The following RELN variants were observed in gnomAD, a reference collection of about 807,000 sequenced individuals.
The protein encoded by RELN is reelin.
RELN carries 108 observed loss-of-function variants against 427.6 expected under a neutral mutation model. The observed-to-expected ratio is 0.25, with a 90% CI of 0.22 to 0.30. The LOEUF is 0.30. Among genes scored for constraint, RELN ranks in the 10% least tolerant of loss-of-function variants. The pLI is 1.00. For missense variants in RELN, 3,715 were observed against 4,302.8 expected (o/e 0.86, Z 3.82); for synonymous variants, 1,524 against 1,513.4 (o/e 1.01, Z -0.16).
intron 2 of RELN, among the ~76,000 whole-genome samples, chr7:103,847,167 C>T (rs1052000721): frequency 2.0e-5 from 3 of 152,140 alleles, no homozygotes; most frequent in African/African-American, 4.8e-5. Context: ...TCGGAACCAA[C>T]CCAAATGCTC....
chr7:103,838,641 A>G (rs1461744794), intron 2 of RELN, among the ~76,000 whole-genome samples: 1 of 152,186 alleles, frequency 6.6e-6, no homozygotes, highest in African/African-American at 2.4e-5. Flanking sequence ...GAAAATGACA[A>G]GTCTGCAGGA....
chr7:103,786,941 C>T (rs942369926), intron 3 of RELN, among the ~76,000 whole-genome samples: 9 of 152,044 alleles, frequency 5.9e-5, no homozygotes, highest in Admixed American at 5.2e-4. Flanking sequence ...AAATTGACCA[C>T]ATAATTAGAA....
intron 1 of RELN, among the ~76,000 whole-genome samples, chr7:103,929,875 G>C (rs1191867897): frequency 6.6e-6 from 1 of 152,210 alleles, no homozygotes; most frequent in Non-Finnish European, 1.5e-5. Flanking sequence ...AGTTTTCACT[G>C]CTCTGCACGT....
At chr7:103,668,356 A>G (rs1480893739) in intron 11 of RELN, among the ~76,000 whole-genome samples, 2 of 152,188 alleles carry the variant, frequency 1.3e-5, no homozygotes. Context: ...TTGACATTTT[A>G]AAACCAATTT....
chr7:103,477,578 C>T (rs1828080827), intron 64 of RELN, among the ~76,000 whole-genome samples: 2 of 152,182 alleles, frequency 1.3e-5, no homozygotes, highest in Non-Finnish European at 2.9e-5. Context: ...GACTTAAAGG[C>T]CATGCATTTT....
At position 103,988,474 on chromosome 7, in the gene RELN, C is replaced by T. The variant is rs948861884; in HGVS notation, c.226+657G>A. Among the ~76,000 whole-genome samples, 1 of 152,118 alleles carries T rather than the reference C, an allele frequency of 6.6e-6. No individual in the cohort carries two copies. ...ACAAAGATAATTCTAACAAGAAGCA[C>T]CATGTAAAAGTAAGGCAGGAATCAG... On this transcript the variant is annotated intron_variant, in intron 1 of 64. Transcript: ENST00000428762. The surrounding 1 kb of genome is among the most constrained non-coding windows in gnomAD (Gnocchi z 4.9).
chr7:103,777,883 T>TCTCACA (rs1554417533), intron 3 of RELN, among the ~76,000 whole-genome samples: 3 of 143,870 alleles, frequency 2.1e-5, no homozygotes, highest in Admixed American at 7.0e-5. Context: ...TGTTATACCT[T>TCTCACA]CACACACACA....
chr7:103,755,562 C>A (rs1185485270), intron 4 of RELN, among the ~76,000 whole-genome samples: 5 of 149,668 alleles, frequency 3.3e-5, no homozygotes, highest in Non-Finnish European at 5.9e-5. Context: ...GAGCTAAGAT[C>A]GCGCCACCGC....
chr7:103,649,447 G>C lies in RELN; in HGVS notation c.2002+827C>G, dbSNP rs376567663. Among the ~76,000 whole-genome samples the C allele has an allele frequency of 5.8e-4, 88 of 152,070 alleles. 3 individuals are homozygous for C. In the East Asian group the frequency reaches 6.6e-3, roughly 11 times the overall value. ...ACTCAGAAAGGTGGGAGGATGGAAG[G>C]GGGGTGAGGGATGATAAATTACGTT... On this transcript the variant is annotated intron_variant, in intron 16 of 64. Transcript: ENST00000428762.
intron 12 of RELN, among the ~76,000 whole-genome samples, chr7:103,660,097 C>G (rs1833106254): frequency 6.6e-6 from 1 of 151,904 alleles, no homozygotes; most frequent in South Asian, 2.1e-4. Flanking sequence ...ATAATGATGA[C>G]TTAATCTCAT....
intron 2 of RELN, among the ~76,000 whole-genome samples, chr7:103,878,869 C>T (rs1794543833): frequency 6.6e-6 from 1 of 152,170 alleles, no homozygotes; most frequent in African/African-American, 2.4e-5. Flanking sequence ...CCATTAGTTA[C>T]CCATTTCCTG....
At chr7:103,571,982 A>G (rs996064268) in intron 31 of RELN, among the ~76,000 whole-genome samples, 5 of 152,312 alleles carry the variant, frequency 3.3e-5, no homozygotes, top group Middle Eastern at 3.4e-3. Flanking sequence ...AGCAGACATG[A>G]TATATTTCAG....
intron 41 of RELN, among the ~76,000 whole-genome samples, chr7:103,546,354 C>T (rs935464035): frequency 6.6e-6 from 1 of 152,216 alleles, no homozygotes; most frequent in African/African-American, 2.4e-5. Flanking sequence ...TGTGACTGAA[C>T]AGTATTCCAT....
At chr7:103,948,737 C>T (rs192590972) in intron 1 of RELN, among the ~76,000 whole-genome samples, 48 of 152,058 alleles carry the variant, frequency 3.2e-4, no homozygotes, top group African/African-American at 8.2e-4. Flanking sequence ...ATTCAAGCCA[C>T]GCAACACGGT....
chr7:103,491,938 AATT>A lies in RELN; in HGVS notation c.9443+12_9443+14del, dbSNP rs1828686857. ...ATTCAAGTTTGAAGATAATGTTAAA[AATT>A]ATTTCACAAACCTTGCATCCTTAGT... is the stretch of plus-strand genomic sequence containing the variant. On this transcript the variant is annotated intron_variant, in intron 58 of 64. Coordinates refer to ENST00000428762, the MANE Select transcript of RELN (RefSeq NM_005045.4). 1 of 1,599,974 alleles carries A rather than the reference AATT, an allele frequency of 6.3e-7. No homozygotes were observed. Among genetic ancestry groups the A allele is most frequent in the Non-Finnish European group, 8.6e-7 (1 of 1,169,496 alleles).
At chr7:103,655,416 T>C (rs941505014) in intron 12 of RELN, among the ~76,000 whole-genome samples, 7 of 152,116 alleles carry the variant, frequency 4.6e-5, no homozygotes, top group African/African-American at 1.4e-4. Flanking sequence ...CTGTTGCTAA[T>C]ACTCTCTGGT....
intron 48 of RELN, among the ~76,000 whole-genome samples, chr7:103,521,191 G>A (rs1829701168): frequency 1.3e-5 from 2 of 150,768 alleles, no homozygotes; most frequent in Non-Finnish European, 3.0e-5. Flanking sequence ...TTGTTAGCCA[G>A]GATGGTCTCG....
chr7:103,524,990 C>T (rs909905525), intron 46 of RELN, among the ~76,000 whole-genome samples: 1 of 152,166 alleles, frequency 6.6e-6, no homozygotes, highest in African/African-American at 2.4e-5. Context: ...ACCTGGGCCT[C>T]TGCTTCCCTC....
intron 6 of RELN, among the ~76,000 whole-genome samples, chr7:103,744,788 A>G (rs2116037103): frequency 7.0e-6 from 1 of 142,174 alleles, no homozygotes; most frequent in Middle Eastern, 3.7e-3. Context: ...TTACCAACCA[A>G]AAAAAGTCCA....
Sources: gnomAD v4.1 joint callset for allele counts (sites outside exome capture counted in the v4.1 genomes callset) on GRCh38, gnomAD v4.1.1 for gene constraint, Gnocchi (gnomAD v3.1) non-coding constraint, MANE v1.5 for transcripts, NCBI Gene and HGNC (gene_info 2026-07-23, HGNC 2026-07-21) for gene names.